TMEFF2: variants seen among roughly 807,000 people sequenced by gnomAD.
TMEFF2 encodes the protein transmembrane protein with EGF like and two follistatin like domains 2, also known as tomoregulin-2.
In TMEFF2, 28 loss-of-function variants were observed where a neutral mutation model predicts 53.8. The ratio of observed to expected loss-of-function variants is 0.52; its 90% CI spans 0.39 to 0.71. The LOEUF (loss-of-function observed/expected upper bound fraction) is 0.71, where lower values mean the gene tolerates loss of function less well. Ranked by LOEUF, TMEFF2 falls within the 30% of genes least tolerant of loss-of-function variation. The pLI is 0.00. For missense variants in TMEFF2, 353 were observed against 455.2 expected (o/e 0.78, Z 2.04); for synonymous variants, 162 against 166.3 (o/e 0.97, Z 0.20).
At chr2:192,112,729 G>A (rs1689313238) in intron 4 of TMEFF2, among the ~76,000 whole-genome samples, 1 of 152,148 alleles carries the variant, frequency 6.6e-6, no homozygotes, top group Non-Finnish European at 1.5e-5. Flanking sequence ...TGTACCTCCT[G>A]TAATTCTCAT....
At chr2:191,957,870 T>C (rs1692154645) in intron 7 of TMEFF2, among the ~76,000 whole-genome samples, 1 of 152,254 alleles carries the variant, frequency 6.6e-6, no homozygotes, top group Admixed American at 6.5e-5. Context: ...TGCACATCGA[T>C]AGCAGCTATT....
chr2:192,014,606 A>G (rs1406039543), intron 5 of TMEFF2, among the ~76,000 whole-genome samples: 1 of 152,276 alleles, frequency 6.6e-6, no homozygotes, highest in African/African-American at 2.4e-5. Flanking sequence ...GCCTTTCCCA[A>G]CTGAGCAGTT....
chr2:191,995,817 C>T (rs1686209141), intron 7 of TMEFF2, among the ~76,000 whole-genome samples: 1 of 151,902 alleles, frequency 6.6e-6, no homozygotes, highest in Non-Finnish European at 1.5e-5. Context: ...TTGACATTAT[C>T]TTTGTTCCTG....
At chr2:192,115,849 G>A (rs1277928022) in intron 4 of TMEFF2, among the ~76,000 whole-genome samples, 1 of 152,010 alleles carries the variant, frequency 6.6e-6, no homozygotes, top group Non-Finnish European at 1.5e-5. Context: ...TGTTGCCAGG[G>A]ATGTGGGGAA....
chr2:192,135,930 G>T (rs1689995380), intron 4 of TMEFF2, among the ~76,000 whole-genome samples: 1 of 151,114 alleles, frequency 6.6e-6, no homozygotes, highest in Non-Finnish European at 1.5e-5. Flanking sequence ...GCCCACCAGA[G>T]AACAACCCCC....
At chr2:192,059,368 A>G (rs2105905068) in intron 4 of TMEFF2, among the ~76,000 whole-genome samples, 1 of 152,272 alleles carries the variant, frequency 6.6e-6, no homozygotes, top group South Asian at 2.1e-4. Flanking sequence ...ACTTTAATAT[A>G]GGCAAGACCA....
intron 5 of TMEFF2, chr2:192,037,826 A>G (rs532523159): frequency 1.3e-5 from 2 of 152,264 alleles, no homozygotes; most frequent in East Asian, 3.9e-4. Flanking sequence ...TTTCTTTTGA[A>G]AGGACAGTTT....
intron 4 of TMEFF2, among the ~76,000 whole-genome samples, chr2:192,124,957 C>T (rs951049253): frequency 1.3e-5 from 2 of 152,086 alleles, no homozygotes; most frequent in African/African-American, 4.8e-5. Flanking sequence ...ATTGTATACC[C>T]AGAATTAACT....
chr2:192,050,374 A>AT (rs887614838), intron 5 of TMEFF2, among the ~76,000 whole-genome samples: 14 of 152,132 alleles, frequency 9.2e-5, no homozygotes, highest in Non-Finnish European at 1.6e-4. Context: ...GTGAAAACCC[A>AT]TTTTTTTAAA....
At chr2:192,048,837 G>A (rs748904631) in intron 5 of TMEFF2, among the ~76,000 whole-genome samples, 1 of 152,102 alleles carries the variant, frequency 6.6e-6, no homozygotes, top group Non-Finnish European at 1.5e-5. Context: ...AAAACCTCAG[G>A]TTTTGGTGAA....
At chr2:192,082,444 G>C (rs746079563) in intron 4 of TMEFF2, among the ~76,000 whole-genome samples, 4 of 152,088 alleles carry the variant, frequency 2.6e-5, no homozygotes, top group Non-Finnish European at 4.4e-5. Flanking sequence ...TTTTCTAAAA[G>C]AATCATCCAA....
At chr2:192,047,912 G>T (rs1687662788) in intron 5 of TMEFF2, among the ~76,000 whole-genome samples, 1 of 152,156 alleles carries the variant, frequency 6.6e-6, no homozygotes, top group African/African-American at 2.4e-5. Flanking sequence ...AACCACAGAA[G>T]ACCAGCAACA....
At chr2:192,133,847 G>C (rs1295618874) in intron 4 of TMEFF2, among the ~76,000 whole-genome samples, 1 of 152,196 alleles carries the variant, frequency 6.6e-6, no homozygotes, top group Admixed American at 6.5e-5. Context: ...TACCTATCTC[G>C]GCATAATTCT....
chr2:192,080,161 A>C (rs1194250708), intron 4 of TMEFF2, among the ~76,000 whole-genome samples: 1 of 152,176 alleles, frequency 6.6e-6, no homozygotes, highest in Non-Finnish European at 1.5e-5. Flanking sequence ...TCATTTAGGA[A>C]CTTATGTGGC....
chr2:192,075,314 T>TATATATATAAATATAA (rs1371842832), intron 4 of TMEFF2, among the ~76,000 whole-genome samples: 71 of 79,840 alleles, frequency 8.9e-4, no homozygotes, highest in Non-Finnish European at 1.4e-3. Flanking sequence ...TATATATATA[T>TATATATATAAATATAA]ATATATATAT....
intron 2 of TMEFF2, 75 bp downstream of exon 2, chr2:192,191,805 G>C: frequency 9.3e-7 from 1 of 1,072,362 alleles, no homozygotes; most frequent in Non-Finnish European, 1.4e-6. Flanking sequence ...ATTTCCAAGT[G>C]ATAGGCTGTA....
chr2:192,186,959 T>C (rs921951850), intron 2 of TMEFF2, among the ~76,000 whole-genome samples: 2 of 152,066 alleles, frequency 1.3e-5, no homozygotes, highest in African/African-American at 4.8e-5. Context: ...GTAAGCCAAA[T>C]TCGAACAGTT....
At chr2:192,062,914 T>G (rs776960007) in intron 4 of TMEFF2, among the ~76,000 whole-genome samples, 32 of 151,940 alleles carry the variant, frequency 2.1e-4, no homozygotes, top group Non-Finnish European at 2.8e-4. Flanking sequence ...CAGAGTAGTA[T>G]TATTTTTTAT....
chr2:192,061,156 T>G (rs1445897753), intron 4 of TMEFF2, among the ~76,000 whole-genome samples: 1 of 152,178 alleles, frequency 6.6e-6, no homozygotes, highest in African/African-American at 2.4e-5. Flanking sequence ...TCATGCTTCC[T>G]GTGACTCTTA....
Sources: allele counts gnomAD v4.1 joint callset (sites outside exome capture counted in the v4.1 genomes callset), GRCh38; gene constraint gnomAD v4.1.1; transcripts MANE v1.5; gene names NCBI Gene and HGNC (gene_info 2026-07-23, HGNC 2026-07-21).